The following CLEC2A variants were observed in gnomAD, a reference collection of about 807,000 sequenced individuals.
CLEC2A encodes keratinocyte-associated C-type lectin.
CLEC2A carries 19 observed loss-of-function variants against 18.6 expected under a neutral mutation model. The ratio of observed to expected loss-of-function variants is 1.02; its 90% CI spans 0.71 to 1.50. The LOEUF is 1.50. Among genes scored for constraint, CLEC2A ranks in the 40% most tolerant of loss-of-function variants. The pLI, the probability that CLEC2A is intolerant of heterozygous loss-of-function variation, is 0.00. For missense variants in CLEC2A, 190 were observed against 207.9 expected (o/e 0.91, Z 0.53); for synonymous variants, 74 against 64.0 (o/e 1.16, Z -0.75).
At chr12:9,899,539 G>T (rs1207904644) in intron 4 of CLEC2A, among the ~76,000 whole-genome samples, 2 of 152,186 alleles carry the variant, frequency 1.3e-5, no homozygotes, top group African/African-American at 4.8e-5. Flanking sequence ...AGATACCCAG[G>T]GTATGTGAGG....
chr12:9,926,255 C>A lies in CLEC2A; in HGVS notation c.139+5G>T, dbSNP rs1424470435. 1 of 1,505,852 alleles carries A rather than the reference C, an allele frequency of 6.6e-7. No individual in the cohort carries two copies. Among genetic ancestry groups the A allele is most frequent in the South Asian group, 1.2e-5 (1 of 83,070 alleles). The allele number at this position is 1,505,852 out of a possible 1,614,324, so 93.3% of individuals were successfully genotyped here. ...CATAGAAAGTGTATGAATTAAACCA[C>A]TCACCTATCATAATAATGCAAACTG... is the stretch of plus-strand genomic sequence containing the variant. On this transcript the variant is annotated splice_donor_5th_base_variant and intron_variant, in intron 2 of 4. Coordinates refer to ENST00000455827, the MANE Select transcript of CLEC2A (RefSeq NM_001130711.2).
At chr12:9,910,234 A>G (rs73255410), downstream of CLEC2A, among the ~76,000 whole-genome samples, 9,062 of 152,270 alleles carry the variant, frequency 0.06, 403 homozygotes, top group African/African-American at 0.13. Flanking sequence ...TATCTTACCA[A>G]TATTTTAGCA....
intron 1 of CLEC2A, among the ~76,000 whole-genome samples, chr12:9,931,114 T>C (rs368228880): frequency 8.5e-5 from 13 of 152,174 alleles, no homozygotes; most frequent in East Asian, 3.8e-4. Context: ...CAGTACATGC[T>C]TCACAGTACT....
downstream of CLEC2A, among the ~76,000 whole-genome samples, chr12:9,911,450 T>C (rs909065859): frequency 6.6e-6 from 1 of 152,218 alleles, no homozygotes; most frequent in African/African-American, 2.4e-5. Flanking sequence ...TTGCCAGACC[T>C]TACCAGTTGT....
chr12:9,928,500 GAA>G (rs1491240752), intron 1 of CLEC2A, among the ~76,000 whole-genome samples: 1 of 151,696 alleles, frequency 6.6e-6, no homozygotes, highest in Non-Finnish European at 1.5e-5. Context: ...AAGAAGGAAA[GAA>G]AGAAAGAAAG....
At chr12:9,920,625 A>C (rs1178235817) in intron 3 of CLEC2A, among the ~76,000 whole-genome samples, 2 of 152,146 alleles carry the variant, frequency 1.3e-5, no homozygotes, top group African/African-American at 4.8e-5. Context: ...TTCAGTTCAA[A>C]GTGCTGTATT....
At chr12:9,913,106 G>A, downstream of CLEC2A, 1 of 164,990 alleles carries the variant, frequency 6.1e-6, no homozygotes, top group Non-Finnish European at 1.2e-5. Context: ...TTGGGAGATT[G>A]CATTTTTTTT....
At chr12:9,932,157 C>A in intron 1 of CLEC2A, 118 bp downstream of exon 1, 1 of 725,612 alleles carries the variant, frequency 1.4e-6, no homozygotes, top group South Asian at 1.7e-5. Flanking sequence ...AGTGCTTCCC[C>A]ATCCCTCACT....
chr12:9,884,984 A>G, the CLEC2A span: 3 of 1,348,014 alleles, frequency 2.2e-6, no homozygotes, highest in Non-Finnish European at 2.9e-6. Context: ...ATTTGGATGC[A>G]TTGTGATCCT....
At chr12:9,910,552 G>A (rs1248393692), downstream of CLEC2A, among the ~76,000 whole-genome samples, 1 of 152,050 alleles carries the variant, frequency 6.6e-6, no homozygotes, top group African/African-American at 2.4e-5. Flanking sequence ...CCTTTTACTG[G>A]ATGTTTCTTG....
the CLEC2A span, among the ~76,000 whole-genome samples, chr12:9,879,625 A>G: frequency 6.6e-6 from 1 of 152,196 alleles, no homozygotes; most frequent in Admixed American, 6.5e-5. Context: ...AATCATCTTG[A>G]TATAGCTCCC....
At chr12:9,905,515 C>A (rs1012610653) in intron 4 of CLEC2A, among the ~76,000 whole-genome samples, 2 of 152,132 alleles carry the variant, frequency 1.3e-5, no homozygotes, top group Non-Finnish European at 2.9e-5. Context: ...TAAGGCAACC[C>A]ATATAGTATT....
intron 4 of CLEC2A, among the ~76,000 whole-genome samples, chr12:9,905,394 A>G (rs1340316236): frequency 6.6e-6 from 1 of 152,202 alleles, no homozygotes; most frequent in African/African-American, 2.4e-5. Context: ...CGTCTGTGCT[A>G]ATAGGCCTTT....
chr12:9,912,518 G>A (rs548922927), downstream of CLEC2A, among the ~76,000 whole-genome samples: 1 of 152,096 alleles, frequency 6.6e-6, no homozygotes, highest in Non-Finnish European at 1.5e-5. Flanking sequence ...GCCTCTTCTC[G>A]AGCACCCATG....
downstream of CLEC2A, among the ~76,000 whole-genome samples, chr12:9,910,622 C>T (rs1369458868): frequency 6.6e-6 from 1 of 152,224 alleles, no homozygotes; most frequent in Admixed American, 6.5e-5. Context: ...TTACCATTCA[C>T]ACACTTTCAA....
chr12:9,910,747 C>T (rs891801819), downstream of CLEC2A, among the ~76,000 whole-genome samples: 1 of 152,134 alleles, frequency 6.6e-6, no homozygotes, highest in African/African-American at 2.4e-5. Flanking sequence ...GAATCCTTTC[C>T]ACCCACGTTG....
the CLEC2A span, among the ~76,000 whole-genome samples, chr12:9,886,969 C>T: frequency 1.3e-5 from 2 of 151,844 alleles, no homozygotes; most frequent in Admixed American, 6.6e-5. Flanking sequence ...TCTGAAAAGT[C>T]ATGGTAGCTA....
At chr12:9,919,380 T>C (rs1483315810) in intron 3 of CLEC2A, among the ~76,000 whole-genome samples, 1 of 152,048 alleles carries the variant, frequency 6.6e-6, no homozygotes, top group Non-Finnish European at 1.5e-5. Context: ...CCATGTCTGG[T>C]GATGAGCAAG....
chr12:9,895,724 G>C, downstream of CLEC2A: 1 of 1,535,604 alleles, frequency 6.5e-7, no homozygotes, highest in South Asian at 1.2e-5. Context: ...GACAGGAGCT[G>C]TGCCGTTATC....
Sources: allele counts gnomAD v4.1 joint callset (sites outside exome capture counted in the v4.1 genomes callset), GRCh38; gene constraint gnomAD v4.1.1; transcripts MANE v1.5; gene names NCBI Gene and HGNC (gene_info 2026-07-23, HGNC 2026-07-21).